PKIG: variants seen among roughly 807,000 people sequenced by gnomAD.
The protein encoded by PKIG is protein kinase (cAMP-dependent, catalytic) inhibitor gamma.
A neutral mutation model predicts 6.8 loss-of-function variants in PKIG; 1 was observed. That is an observed-to-expected ratio of 0.15 (90% confidence interval 0.05 to 0.69). The LOEUF (loss-of-function observed/expected upper bound fraction) is 0.69, where lower values mean the gene tolerates loss of function less well. Among genes scored for constraint, PKIG ranks in the 30% least tolerant of loss-of-function variants. PKIG has a pLI of 0.82. For synonymous variants in PKIG, 39 were observed against 43.0 expected, an observed-to-expected ratio of 0.91 and a Z score of 0.36; for missense variants, 77 against 104.0, an observed-to-expected ratio of 0.74 and a Z score of 1.13.
chr20:44,615,994 C>T (rs2065261068), intron 3 of PKIG, among the ~76,000 whole-genome samples: 1 of 152,180 alleles, frequency 6.6e-6, no homozygotes, highest in African/African-American at 2.4e-5. Flanking sequence ...TCCTCTGTCA[C>T]GTGGCCCAGG....
intron 1 of PKIG, among the ~76,000 whole-genome samples, chr20:44,571,621 G>T (rs1007227894): frequency 6.6e-6 from 1 of 152,176 alleles, no homozygotes; most frequent in Non-Finnish European, 1.5e-5. Flanking sequence ...TTAGAATTAG[G>T]CAGTGCCTGG....
intron 1 of PKIG, among the ~76,000 whole-genome samples, chr20:44,577,503 T>C (rs1487427307): frequency 6.6e-6 from 1 of 152,162 alleles, no homozygotes; most frequent in Non-Finnish European, 1.5e-5. Context: ...GGTGAGACGA[T>C]GTATTGTTCT....
intron 2 of PKIG, among the ~76,000 whole-genome samples, chr20:44,602,126 C>A (rs1376181752): frequency 6.6e-6 from 1 of 152,224 alleles, no homozygotes; most frequent in African/African-American, 2.4e-5. Context: ...CCACAAGATA[C>A]CAAAACCTCC....
chr20:44,602,059 T>C (rs1056736457), intron 2 of PKIG, among the ~76,000 whole-genome samples: 4 of 152,222 alleles, frequency 2.6e-5, no homozygotes, highest in African/African-American at 9.6e-5. Context: ...GTATAAGGGC[T>C]TCACCCTTTG....
At chr20:44,571,002 G>A (rs73615486) in intron 1 of PKIG, among the ~76,000 whole-genome samples, 1,733 of 152,282 alleles carry the variant, frequency 0.011, 18 homozygotes, top group East Asian at 0.064. Context: ...GGGAGGCCGA[G>A]GCGAGTGGAT....
At chr20:44,610,036 G>A (rs1383168458) in intron 2 of PKIG, among the ~76,000 whole-genome samples, 3 of 152,204 alleles carry the variant, frequency 2.0e-5, no homozygotes, top group African/African-American at 4.8e-5. Context: ...GAGGCAGAGC[G>A]CAGGAGTGAA....
intron 1 of PKIG, among the ~76,000 whole-genome samples, chr20:44,546,941 A>T (rs1373449330): frequency 6.6e-6 from 1 of 152,214 alleles, no homozygotes; most frequent in Non-Finnish European, 1.5e-5. Flanking sequence ...TTCTTTTTCC[A>T]AATCACATAG....
chr20:44,587,897 T>C (rs2065003455), intron 1 of PKIG, among the ~76,000 whole-genome samples: 1 of 152,258 alleles, frequency 6.6e-6, no homozygotes, highest in Non-Finnish European at 1.5e-5. Context: ...TCATTTATAC[T>C]TTCCTGGACG....
At position 44,592,908 on chromosome 20, in the gene PKIG, A is replaced by G. The variant is rs185913068; in HGVS notation, c.-24+3042A>G. Among the ~76,000 whole-genome samples, 3 of 152,320 alleles carry G rather than the reference A, an allele frequency of 2.0e-5. No individual in the cohort carries two copies. In the East Asian group the frequency reaches 5.8e-4, roughly 29 times the overall value. On this transcript the variant is annotated intron_variant, in intron 2 of 3. Transcript: ENST00000372886. ...GATCTACAGAATTAATTCCATTCCT[A>G]TCAAAATTCCAGTGGCATTGCTTAC... is the stretch of plus-strand genomic sequence containing the variant.
intron 2 of PKIG, among the ~76,000 whole-genome samples, chr20:44,613,191 A>G (rs893173085): frequency 2.6e-5 from 4 of 152,024 alleles, no homozygotes; most frequent in African/African-American, 7.3e-5. Flanking sequence ...TTCGAGATGG[A>G]GTCTCGCTTT....
chr20:44,577,468 C>G (rs1030666709), intron 1 of PKIG, among the ~76,000 whole-genome samples: 1 of 152,140 alleles, frequency 6.6e-6, no homozygotes, highest in Non-Finnish European at 1.5e-5. Context: ...GTGGTTCCTT[C>G]TCTGGGGCCT....
chr20:44,553,874 GT>G (rs2064690230), intron 1 of PKIG, among the ~76,000 whole-genome samples: 1 of 152,048 alleles, frequency 6.6e-6, no homozygotes, highest in Admixed American at 6.6e-5. Context: ...AAAAGGGTTA[GT>G]TAGGGGAATG....
chr20:44,538,065 G>C (rs1680154648), intron 1 of PKIG, among the ~76,000 whole-genome samples: 1 of 152,058 alleles, frequency 6.6e-6, no homozygotes, highest in Non-Finnish European at 1.5e-5. Context: ...GACAATATAA[G>C]GTATACAGTG....
At chr20:44,583,829 C>G (rs2064967714) in intron 1 of PKIG, among the ~76,000 whole-genome samples, 1 of 152,092 alleles carries the variant, frequency 6.6e-6, no homozygotes, top group African/African-American at 2.4e-5. Context: ...GAGCAAAGGA[C>G]CCTAGGTTTT....
chr20:44,548,901 CACATAT>C (rs749210769), intron 1 of PKIG, among the ~76,000 whole-genome samples: 15 of 85,054 alleles, frequency 1.8e-4, no homozygotes, highest in African/African-American at 8.1e-4. Context: ...CACACACACA[CACATAT>C]ATCTGTCTGA....
At chr20:44,591,790 A>G (rs1168311546) in intron 2 of PKIG, among the ~76,000 whole-genome samples, 2 of 152,254 alleles carry the variant, frequency 1.3e-5, no homozygotes, top group Admixed American at 6.5e-5. Context: ...TGGATATTTT[A>G]CATGCCCAGC....
chr20:44,554,074 A>C (rs1347484967), intron 1 of PKIG, among the ~76,000 whole-genome samples: 1 of 150,014 alleles, frequency 6.7e-6, no homozygotes, highest in Non-Finnish European at 1.5e-5. Flanking sequence ...ATTTAAAAAA[A>C]AATTTTTTTT....
chr20:44,563,689 C>T (rs960856934), intron 1 of PKIG, among the ~76,000 whole-genome samples: 2 of 152,104 alleles, frequency 1.3e-5, no homozygotes, highest in African/African-American at 4.8e-5. Flanking sequence ...GCCACCACAC[C>T]TTGCTAATTT....
chr20:44,544,925 CTTTTTTTTTTTTTT>C (rs796482642), intron 1 of PKIG, among the ~76,000 whole-genome samples: 5 of 64,370 alleles, frequency 7.8e-5, no homozygotes, highest in Admixed American at 1.8e-4. Flanking sequence ...TTCCTTCTTT[CTTTTTTTTTTTTTT>C]TTTTTTTTTT....
Sources: gnomAD v4.1 joint callset for allele counts (sites outside exome capture counted in the v4.1 genomes callset) on GRCh38, gnomAD v4.1.1 for gene constraint, MANE v1.5 for transcripts, NCBI Gene and HGNC (gene_info 2026-07-23, HGNC 2026-07-21) for gene names.